LDHC: variants seen among roughly 807,000 people sequenced by gnomAD.
LDHC encodes L-lactate dehydrogenase C chain.
Under a neutral mutation model 30.2 loss-of-function variants are expected in LDHC, and 20 were observed. That is an observed-to-expected ratio of 0.66 (90% CI 0.47 to 0.96). The LOEUF (loss-of-function observed/expected upper bound fraction) is 0.96. Ranked by LOEUF, LDHC falls within the 40% of genes least tolerant of loss-of-function variation. LDHC has a pLI of 0.00. For synonymous variants in LDHC, 139 were observed against 132.7 expected, an observed-to-expected ratio of 1.05 and a Z score of -0.32; for missense variants, 362 against 394.9, an observed-to-expected ratio of 0.92 and a Z score of 0.71.
chr11:18,430,018 C>G (rs1018614195), intron 4 of LDHC, 108 bp downstream of exon 4: 2 of 658,000 alleles, frequency 3.0e-6, no homozygotes, highest in Non-Finnish European at 5.2e-6. Flanking sequence ...AAATTGCACT[C>G]GTTTAAAGTA....
rs1339195510 is a variant in LDHC, at chr11:18,451,449, C to G, written c.*322C>G. ...TAATACAGAGCTTTGATTCTTTTCACAAACCAAGCCCTTTTTCTAGTATTA... is the reference window on the plus strand; with the variant it reads ...TAATACAGAGCTTTGATTCTTTTCAGAAACCAAGCCCTTTTTCTAGTATTA... On this transcript the variant is annotated 3_prime_UTR_variant, in exon 8 of 8. Coordinates refer to ENST00000541669, the MANE Select transcript of LDHC (RefSeq NM_017448.5). 6.2e-6 allele frequency: 1 copy of G among 161,138 alleles called. No individual in the cohort carries two copies. Among genetic ancestry groups the G allele is most frequent in the Non-Finnish European group, 1.3e-5 (1 of 74,380 alleles). 10.0% of individuals were successfully genotyped at this position (161,138 alleles called of 1,614,324 possible). A position where few individuals can be genotyped will look rare whatever the true frequency, so the allele number is the denominator to read the frequency against.
In LDHC at chr11:18,450,955, C is replaced by A; in HGVS notation, c.835-8C>A. The A allele has an allele frequency of 6.4e-7, 1 of 1,568,258 alleles. No homozygotes were observed. Among genetic ancestry groups the A allele is most frequent in the South Asian group, 1.2e-5 (1 of 83,190 alleles). On this transcript the variant is annotated splice_region_variant and splice_polypyrimidine_tract_variant and intron_variant, in intron 7 of 7. Transcript: ENST00000541669. ...GTTATTTGAACAATATCTTATCTTG[C>A]CTTTCAGGGATTATATGGAATAAAA...
chr11:18,412,771 C>T lies in LDHC; in HGVS notation c.54C>T (p.Asn18=). ...LIEKLIEDDE[N]SQCKITIVGT... ...AGAAGCTAATTGAGGATGATGAAAA[C>T]TCCCAGTGTAAAATTACTATTGTTG... The change falls in exon 2 of 8, where the codon AAC becomes AAT. Residue 18 remains asparagine (N), a synonymous_variant. Coordinates refer to ENST00000541669, the MANE Select transcript of LDHC (RefSeq NM_017448.5). 2.5e-6 allele frequency: 4 copies of T among 1,613,888 alleles called. No individual in the cohort carries two copies. Among genetic ancestry groups the T allele is most frequent in the Non-Finnish European group, 3.4e-6 (4 of 1,179,748 alleles).
At chr11:18,441,004 T>G (rs1848455303) in intron 6 of LDHC, among the ~76,000 whole-genome samples, 1 of 151,830 alleles carries the variant, frequency 6.6e-6, no homozygotes, top group Non-Finnish European at 1.5e-5. Context: ...TGCATACCTG[T>G]AGTCTTAGCT....
At chr11:18,418,300 GT>G (rs1245541951) in intron 3 of LDHC, among the ~76,000 whole-genome samples, 1 of 147,814 alleles carries the variant, frequency 6.8e-6, no homozygotes, top group Non-Finnish European at 1.5e-5. Context: ...ATGAGCAGAA[GT>G]ACATAGACAT....
intron 6 of LDHC, among the ~76,000 whole-genome samples, chr11:18,439,603 T>C (rs1359387042): frequency 6.7e-6 from 1 of 149,390 alleles, no homozygotes; most frequent in Non-Finnish European, 1.5e-5. Flanking sequence ...AAATCACTTT[T>C]GGATATTCAC....
chr11:18,416,395 A>G (rs1363730012), intron 3 of LDHC, among the ~76,000 whole-genome samples: 2 of 152,238 alleles, frequency 1.3e-5, no homozygotes, highest in Admixed American at 6.5e-5. Context: ...ATTAGGAAAC[A>G]TAATTATTTT....
At chr11:18,450,892 T>C in intron 7 of LDHC, 71 bp from the exon 8 acceptor site, 1 of 1,169,498 alleles carries the variant, frequency 8.6e-7, no homozygotes, top group Non-Finnish European at 1.2e-6. Flanking sequence ...TATACTCTCA[T>C]TTTGATGCCC....
intron 3 of LDHC, among the ~76,000 whole-genome samples, chr11:18,421,294 G>T (rs2134050268): frequency 6.6e-6 from 1 of 151,704 alleles, no homozygotes; most frequent in Non-Finnish European, 1.5e-5. Flanking sequence ...ACCTCAGGTG[G>T]TCTGCCCGCT....
At chr11:18,427,634 A>G (rs1228438187) in intron 3 of LDHC, among the ~76,000 whole-genome samples, 2 of 152,034 alleles carry the variant, frequency 1.3e-5, no homozygotes, top group African/African-American at 4.8e-5. Flanking sequence ...AAAATCTGAC[A>G]TAAAAATAAG....
In LDHC at chr11:18,423,688, G is replaced by A. The variant is rs190436041; in HGVS notation, c.245-6049G>A. Among the ~76,000 whole-genome samples the A allele has an allele frequency of 2.0e-4, 31 of 152,014 alleles. No individual in the cohort carries two copies. The East Asian group carries it at 5.2e-3, about 26-fold the overall frequency. ...TGATTTAAACACAAAGACACAAAAAGCATAATCAATAAAGAATACAAAGTT... is the reference window on the plus strand; with the variant it reads ...TGATTTAAACACAAAGACACAAAAAACATAATCAATAAAGAATACAAAGTT... On this transcript the variant is annotated intron_variant, in intron 3 of 7. Coordinates refer to ENST00000541669, the MANE Select transcript of LDHC (RefSeq NM_017448.5).
At chr11:18,416,687 C>A (rs185060873) in intron 3 of LDHC, among the ~76,000 whole-genome samples, 1 of 150,046 alleles carries the variant, frequency 6.7e-6, no homozygotes, top group South Asian at 2.1e-4. Context: ...CCCTTCCCTT[C>A]CATCTTCCCC....
intron 3 of LDHC, among the ~76,000 whole-genome samples, chr11:18,428,877 A>G (rs1394052956): frequency 2.6e-4 from 1 of 3,832 alleles, no homozygotes; most frequent in Non-Finnish European, 8.3e-4. Context: ...ACTATCTCAG[A>G]AAAAAAAAAA....
Position 18,442,565 on chromosome 11 carries a change from GT to G in LDHC, c.711-3638del, listed in dbSNP as rs1044468129. ...TTGGTAATTCTTAACCAACTAGACTGTTTTTTTCCCCCCTCTATCATTTACT... is the reference window on the plus strand; with the variant it reads ...TTGGTAATTCTTAACCAACTAGACTGTTTTTTCCCCCCTCTATCATTTACT... On this transcript the variant is annotated intron_variant, in intron 6 of 7. Coordinates refer to ENST00000541669, the MANE Select transcript of LDHC (RefSeq NM_017448.5). Among the ~76,000 whole-genome samples, 27 of 150,194 alleles carry G rather than the reference GT, an allele frequency of 1.8e-4. No individual in the cohort carries two copies. In the East Asian group the frequency reaches 2.0e-3, roughly 11 times the overall value.
chr11:18,450,946 C>G lies in LDHC; in HGVS notation c.835-17C>G. ...CCATATCAGGTTATTTGAACAATAT[C>G]TTATCTTGCCTTTCAGGGATTATAT... On this transcript the variant is annotated splice_polypyrimidine_tract_variant and intron_variant, in intron 7 of 7. Transcript: ENST00000541669. 2 of 1,556,710 alleles carry G rather than the reference C, an allele frequency of 1.3e-6. No individual in the cohort carries two copies. Among genetic ancestry groups the G allele is most frequent in the Non-Finnish European group, 8.7e-7 (1 of 1,151,140 alleles).
At chr11:18,427,158 C>A (rs991985992) in intron 3 of LDHC, among the ~76,000 whole-genome samples, 2 of 151,780 alleles carry the variant, frequency 1.3e-5, no homozygotes, top group Non-Finnish European at 2.9e-5. Flanking sequence ...GAGTACAAGA[C>A]CAGCCTGGTC....
intron 3 of LDHC, among the ~76,000 whole-genome samples, chr11:18,427,832 A>G (rs1036910293): frequency 1.3e-5 from 2 of 152,046 alleles, no homozygotes; most frequent in African/African-American, 4.8e-5. Context: ...ACGTGCCATC[A>G]TGCCCAGCTA....
chr11:18,432,658 A>G (rs1035568989), intron 4 of LDHC, among the ~76,000 whole-genome samples: 4 of 152,258 alleles, frequency 2.6e-5, no homozygotes, highest in Middle Eastern at 3.4e-3. Context: ...TTAGGTGCAT[A>G]TATGTTTAGG....
At chr11:18,440,443 T>G (rs1446867553) in intron 6 of LDHC, among the ~76,000 whole-genome samples, 1 of 152,230 alleles carries the variant, frequency 6.6e-6, no homozygotes, top group Non-Finnish European at 1.5e-5. Flanking sequence ...AAATGCCTTT[T>G]AGTTTTAAAA....
Sources: gnomAD v4.1 joint callset for allele counts (sites outside exome capture counted in the v4.1 genomes callset) on GRCh38, gnomAD v4.1.1 for gene constraint, MANE v1.5 for transcripts, NCBI Gene and HGNC (gene_info 2026-07-23, HGNC 2026-07-21) for gene names.